GLIS3: variants seen among roughly 807,000 people sequenced by gnomAD.
GLIS3 encodes the protein zinc finger protein GLIS3.
Under a neutral mutation model 78.6 loss-of-function variants are expected in GLIS3, and 53 were observed. That is an observed-to-expected ratio of 0.67 (90% CI 0.54 to 0.85). GLIS3 has a LOEUF of 0.85. Among genes scored for constraint, GLIS3 ranks in the 40% least tolerant of loss-of-function variants. The probability of loss-of-function intolerance (pLI) is 0.00; values close to 1 mark genes in which losing one functional copy is unlikely to be tolerated. For missense variants in GLIS3, 1,703 were observed against 1,231.1 expected (o/e 1.38, Z -5.74); for synonymous variants, 684 against 509.9 (o/e 1.34, Z -4.60).
intron 4 of GLIS3, among the ~76,000 whole-genome samples, chr9:4,087,198 T>C (rs188525185): frequency 1.1e-3 from 163 of 152,316 alleles, no homozygotes; most frequent in African/African-American, 3.8e-3. Flanking sequence ...TACTAGGTGA[T>C]TATGGTCAGA....
At chr9:3,850,831 C>T (rs1708900221) in intron 9 of GLIS3, among the ~76,000 whole-genome samples, 1 of 152,190 alleles carries the variant, frequency 6.6e-6, no homozygotes, top group African/African-American at 2.4e-5. Flanking sequence ...CCGTTCTCAC[C>T]TGTGCTCTTT....
chr9:4,141,292 C>T (rs1833794552), intron 2 of GLIS3, among the ~76,000 whole-genome samples: 1 of 152,126 alleles, frequency 6.6e-6, no homozygotes, highest in African/African-American at 2.4e-5. Context: ...CAAGACAGCT[C>T]CCAAGGAAGG....
chr9:4,211,266 C>T (rs1820348203), intron 2 of GLIS3, among the ~76,000 whole-genome samples: 1 of 152,196 alleles, frequency 6.6e-6, no homozygotes, highest in African/African-American at 2.4e-5. Context: ...AGTTCAAGGT[C>T]CACTTGGCTC....
chr9:3,918,809 C>T (rs750219709), intron 6 of GLIS3, among the ~76,000 whole-genome samples: 26 of 152,100 alleles, frequency 1.7e-4, no homozygotes, highest in Admixed American at 2.6e-4. Context: ...TTTGAGTCAC[C>T]CTCAATCAGA....
chr9:4,165,890 G>T (rs1348243360), intron 2 of GLIS3, among the ~76,000 whole-genome samples: 1 of 152,204 alleles, frequency 6.6e-6, no homozygotes, highest in African/African-American at 2.4e-5. Context: ...TCCAATGTTT[G>T]GGGAGGCAGG....
At chr9:3,872,313 T>C (rs1821020008) in intron 8 of GLIS3, among the ~76,000 whole-genome samples, 1 of 152,208 alleles carries the variant, frequency 6.6e-6, no homozygotes, top group South Asian at 2.1e-4. Flanking sequence ...TGTTACCCAG[T>C]CCCAAAGTTG....
At chr9:3,843,576 A>C (rs1242495465) in intron 9 of GLIS3, among the ~76,000 whole-genome samples, 1 of 152,216 alleles carries the variant, frequency 6.6e-6, no homozygotes, top group Non-Finnish European at 1.5e-5. Context: ...GCATTCATCC[A>C]ACAAGTATTT....
chr9:4,260,616 C>T (rs1249803290), intron 2 of GLIS3, among the ~76,000 whole-genome samples: 2 of 150,476 alleles, frequency 1.3e-5, no homozygotes, highest in Non-Finnish European at 3.0e-5. Context: ...CATGGTGGTG[C>T]ATACCTGTAG....
At chr9:4,426,626 A>G in the GLIS3 span, among the ~76,000 whole-genome samples, 1 of 152,240 alleles carries the variant, frequency 6.6e-6, no homozygotes, top group Non-Finnish European at 1.5e-5. Context: ...TCCAGAACAT[A>G]TCACCATCCA....
intron 2 of GLIS3, among the ~76,000 whole-genome samples, chr9:4,314,421 G>T (rs1465592484): frequency 1.3e-5 from 2 of 152,180 alleles, no homozygotes; most frequent in Non-Finnish European, 2.9e-5. Flanking sequence ...AAAAAAAGAT[G>T]CATGCACACA....
chr9:3,950,346 G>A (rs997594557), intron 4 of GLIS3, among the ~76,000 whole-genome samples: 1 of 152,138 alleles, frequency 6.6e-6, no homozygotes, highest in Admixed American at 6.5e-5. Context: ...CCTCTTCTGT[G>A]TAGAATTCTT....
At chr9:3,874,940 C>A (rs568079164) in intron 8 of GLIS3, among the ~76,000 whole-genome samples, 1 of 152,202 alleles carries the variant, frequency 6.6e-6, no homozygotes, top group African/African-American at 2.4e-5. Flanking sequence ...AACGACAAAG[C>A]GCACTGTTTG....
At chr9:4,137,180 G>A (rs533590262) in intron 2 of GLIS3, among the ~76,000 whole-genome samples, 18 of 152,236 alleles carry the variant, frequency 1.2e-4, no homozygotes, top group African/African-American at 4.3e-4. Context: ...AGATTTAGGC[G>A]ATCACATTTA....
At chr9:4,010,275 C>G (rs190381008) in intron 4 of GLIS3, among the ~76,000 whole-genome samples, 176 of 152,246 alleles carry the variant, frequency 1.2e-3, no homozygotes, top group African/African-American at 3.9e-3. Flanking sequence ...TAACCTTGGC[C>G]AAGTTATTCG....
At chr9:3,957,342 C>T (rs947966518) in intron 4 of GLIS3, among the ~76,000 whole-genome samples, 1 of 152,256 alleles carries the variant, frequency 6.6e-6, no homozygotes, top group African/African-American at 2.4e-5. Context: ...TCTTTGCTTT[C>T]ACCTTTATAA....
At chr9:4,447,725 G>A in the GLIS3 span, among the ~76,000 whole-genome samples, 1 of 152,098 alleles carries the variant, frequency 6.6e-6, no homozygotes, top group Non-Finnish European at 1.5e-5. Context: ...ATGGCTTCAT[G>A]GAGGACAACT....
intron 2 of GLIS3, among the ~76,000 whole-genome samples, chr9:4,240,975 G>A (rs1290077847): frequency 2.6e-5 from 4 of 151,782 alleles, no homozygotes; most frequent in South Asian, 4.1e-4. Context: ...GTGTGTGTAC[G>A]TGTGTACATA....
At chr9:4,214,864 T>G (rs988546548) in intron 2 of GLIS3, among the ~76,000 whole-genome samples, 12 of 152,170 alleles carry the variant, frequency 7.9e-5, no homozygotes, top group African/African-American at 2.4e-4. Flanking sequence ...GCAAGGCTGG[T>G]CAATGGCATA....
intron 4 of GLIS3, among the ~76,000 whole-genome samples, chr9:4,081,023 G>A (rs1828516922): frequency 6.6e-6 from 1 of 152,144 alleles, no homozygotes; most frequent in African/African-American, 2.4e-5. Flanking sequence ...CGTTTTTCCA[G>A]TCTTGCCTGG....
Sources: gnomAD v4.1 joint callset for allele counts (sites outside exome capture counted in the v4.1 genomes callset) on GRCh38, gnomAD v4.1.1 for gene constraint, MANE v1.5 for transcripts, NCBI Gene and HGNC (gene_info 2026-07-23, HGNC 2026-07-21) for gene names.